Variants in UQCC6 observed in about 807,000 individuals in gnomAD.
UQCC6 encodes protein BRAWNIN.
the UQCC6 span, chr12:103,955,622 A>T: frequency 2.5e-6 from 1 of 401,430 alleles, no homozygotes; most frequent in Non-Finnish European, 4.9e-6. Context: ...ACAGAATGAG[A>T]CCTGTCTAAT....
the UQCC6 span, chr12:103,951,370 C>T: frequency 2.6e-5 from 13 of 499,376 alleles, no homozygotes; most frequent in South Asian, 1.7e-4. Context: ...TCAATCAAAC[C>T]GTAATTAAAT....
At chr12:103,955,151 C>G in the UQCC6 span, among the ~76,000 whole-genome samples, 1 of 151,898 alleles carries the variant, frequency 6.6e-6, no homozygotes, top group Non-Finnish European at 1.5e-5. Context: ...ACCATATCTA[C>G]TAAAAAATAG....
the UQCC6 span, among the ~76,000 whole-genome samples, chr12:103,960,020 C>G: frequency 6.6e-6 from 1 of 151,948 alleles, no homozygotes; most frequent in African/African-American, 2.4e-5. Context: ...GGTGATCCGC[C>G]TGCCTCGGCC....
the UQCC6 span, among the ~76,000 whole-genome samples, chr12:103,959,890 G>A: frequency 1.5e-5 from 2 of 131,804 alleles, no homozygotes. Context: ...TGCACCCTCC[G>A]CCTCCCAAGT....
At chr12:103,962,520 CCAGCTAAAA>C in the UQCC6 span, among the ~76,000 whole-genome samples, 1 of 152,136 alleles carries the variant, frequency 6.6e-6, no homozygotes, top group South Asian at 2.1e-4. Context: ...AGATTGAGGA[CCAGCTAAAA>C]CAGGGAAGAG....
At chr12:103,957,980 A>G in the UQCC6 span, among the ~76,000 whole-genome samples, 1 of 143,420 alleles carries the variant, frequency 7.0e-6, no homozygotes, top group South Asian at 2.1e-4. Context: ...TATTTTTAAT[A>G]TATATTTATA....
the UQCC6 span, chr12:103,957,300 A>G: frequency 2.0e-5 from 3 of 149,536 alleles, no homozygotes. Flanking sequence ...CGCTGGGAGA[A>G]AGCCAGTGAC....
At chr12:103,960,559 A>G in the UQCC6 span, among the ~76,000 whole-genome samples, 2 of 152,174 alleles carry the variant, frequency 1.3e-5, no homozygotes, top group African/African-American at 4.8e-5. Context: ...AATGATTCAG[A>G]TATTTTTATA....
At chr12:103,964,089 A>G in the UQCC6 span, among the ~76,000 whole-genome samples, 1 of 132,738 alleles carries the variant, frequency 7.5e-6, no homozygotes, top group Admixed American at 7.6e-5. Context: ...CTGCTTCACC[A>G]TTTTTAGGTT....
chr12:103,957,691 CTT>C, the UQCC6 span, among the ~76,000 whole-genome samples: 344 of 152,118 alleles, frequency 2.3e-3, no homozygotes, highest in African/African-American at 7.8e-3. Flanking sequence ...ATCGACATAA[CTT>C]AATCCAGGAA....
At chr12:103,952,717 T>C in the UQCC6 span, among the ~76,000 whole-genome samples, 185 of 152,358 alleles carry the variant, frequency 1.2e-3, no homozygotes, top group Middle Eastern at 3.4e-3. Context: ...GTAGTGGGTA[T>C]GAAGTGGTAT....
the UQCC6 span, chr12:103,955,666 A>T: frequency 2.4e-6 from 1 of 413,596 alleles, no homozygotes; most frequent in Admixed American, 3.1e-5. Context: ...AAAATTTCTA[A>T]AAAAAGAAAC....
At chr12:103,961,682 G>C in the UQCC6 span, among the ~76,000 whole-genome samples, 1 of 151,862 alleles carries the variant, frequency 6.6e-6, no homozygotes, top group Non-Finnish European at 1.5e-5. Flanking sequence ...TCAGCCTCCC[G>C]AGTAGCTGGG....
At chr12:103,950,389 A>AC in the UQCC6 span, 3 of 152,214 alleles carry the variant, frequency 2.0e-5, no homozygotes, top group Admixed American at 2.0e-4. Flanking sequence ...GTGTCCCTAA[A>AC]CCCCATAGGG....
At chr12:103,956,966 T>A in the UQCC6 span, 1 of 528,346 alleles carries the variant, frequency 1.9e-6, no homozygotes, top group Non-Finnish European at 3.4e-6. Flanking sequence ...CCAGCCCCAA[T>A]CGTTTATCAG....
At chr12:103,962,574 T>C in the UQCC6 span, among the ~76,000 whole-genome samples, 1 of 152,232 alleles carries the variant, frequency 6.6e-6, no homozygotes, top group East Asian at 1.9e-4. Flanking sequence ...CACCAACTAA[T>C]GTGCCCTGTC....
At chr12:103,954,928 CTT>C in the UQCC6 span, 2 of 701,662 alleles carry the variant, frequency 2.9e-6, no homozygotes, top group Non-Finnish European at 5.2e-6. Context: ...AGCTATGTGA[CTT>C]TGAGAAATCA....
the UQCC6 span, among the ~76,000 whole-genome samples, chr12:103,957,430 T>C: frequency 6.6e-6 from 1 of 152,114 alleles, no homozygotes; most frequent in Admixed American, 6.5e-5. Flanking sequence ...GGCCGTGGAC[T>C]ATTATTACAT....
At chr12:103,960,470 A>G in the UQCC6 span, among the ~76,000 whole-genome samples, 37 of 152,312 alleles carry the variant, frequency 2.4e-4, no homozygotes, top group African/African-American at 8.4e-4. Context: ...TGCTCTGGTC[A>G]GGCTTTTTTA....
Sources: allele counts gnomAD v4.1 joint callset (sites outside exome capture counted in the v4.1 genomes callset), GRCh38; gene constraint gnomAD v4.1.1; transcripts MANE v1.5; gene names NCBI Gene and HGNC (gene_info 2026-07-23, HGNC 2026-07-21).